The following FRMD4B variants were observed in gnomAD, a reference collection of about 807,000 sequenced individuals.
FRMD4B encodes FERM domain containing 4B, also known as FERM domain-containing protein 4B.
In FRMD4B, 74 loss-of-function variants were observed where a neutral mutation model predicts 141.5. The observed-to-expected ratio is 0.52, with a 90% CI of 0.43 to 0.63. The LOEUF is 0.63. Ranked by LOEUF, FRMD4B falls within the 30% of genes least tolerant of loss-of-function variation. FRMD4B has a pLI of 0.00. For synonymous variants in FRMD4B, 506 were observed against 467.9 expected (o/e 1.08, Z -1.05); for missense variants, 1,366 against 1,253.4 (o/e 1.09, Z -1.36).
chr3:69,231,300 CCTT>C (rs2107785184), intron 7 of FRMD4B, among the ~76,000 whole-genome samples: 1 of 152,076 alleles, frequency 6.6e-6, no homozygotes, highest in Non-Finnish European at 1.5e-5. Flanking sequence ...CTTTTTTTCT[CCTT>C]ATTTTTTTCT....
intron 22 of FRMD4B, among the ~76,000 whole-genome samples, chr3:69,175,188 C>A (rs2092630743): frequency 1.3e-5 from 2 of 152,128 alleles, no homozygotes; most frequent in Non-Finnish European, 1.5e-5. Context: ...AAGTTGTAGT[C>A]TGTATAACTT....
At chr3:69,375,869 A>G (rs990449001) in intron 1 of FRMD4B, among the ~76,000 whole-genome samples, 1 of 152,242 alleles carries the variant, frequency 6.6e-6, no homozygotes, top group Non-Finnish European at 1.5e-5. Flanking sequence ...TTTTCAGTAT[A>G]CACCATACAG....
At chr3:69,243,001 A>AG (rs2093397747) in intron 7 of FRMD4B, among the ~76,000 whole-genome samples, 1 of 151,570 alleles carries the variant, frequency 6.6e-6, no homozygotes, top group Admixed American at 6.6e-5. Context: ...TCTCAAAAAA[A>AG]AAAAAAAAAA....
rs2092649079 is a variant in FRMD4B, at chr3:69,176,603, A to G, written c.2905T>C (p.Ser969Pro). ...NWRTQLTIGL[S>P]DYETPAHSSY... ...GAATGTGCTGGAGTCTCGTAATCCG[A>G]CAGCCCTATGGTTAACTGGGTCCTC... The change falls in exon 22 of 23, where the codon TCG (serine) becomes CCG (proline). Residue 969 changes from serine to proline, a missense_variant. Physicochemically the swap from Ser to Pro is moderately conservative, Grantham distance 74. Transcript: ENST00000398540. The G allele has an allele frequency of 6.2e-7, 1 of 1,606,652 alleles. No homozygotes were observed.
intron 3 of FRMD4B, among the ~76,000 whole-genome samples, chr3:69,303,631 T>C (rs1182669641): frequency 6.6e-6 from 1 of 152,134 alleles, no homozygotes; most frequent in Non-Finnish European, 1.5e-5. Flanking sequence ...TTCAATGAAA[T>C]AAAACACACA....
intron 5 of FRMD4B, among the ~76,000 whole-genome samples, chr3:69,264,183 G>T (rs1239909672): frequency 6.6e-6 from 1 of 152,042 alleles, no homozygotes; most frequent in Non-Finnish European, 1.5e-5. Flanking sequence ...TGTATTTGAT[G>T]ACTCTGTTTA....
At position 69,263,272 on chromosome 3, in the gene FRMD4B, A is replaced by AATAC. The variant is rs573513407; in HGVS notation, c.502-13174_502-13173insGTAT. 2.7e-3 allele frequency among the ~76,000 whole-genome samples: 414 copies of AATAC among 152,198 alleles called. 7 individuals are homozygous for AATAC. Among genetic ancestry groups the AATAC allele is most frequent in the African/African-American group, 9.2e-3 (383 of 41,522 alleles). On this transcript the variant is annotated intron_variant, in intron 5 of 22. Coordinates refer to ENST00000398540, the MANE Select transcript of FRMD4B (RefSeq NM_015123.3). The stretch of plus-strand genomic sequence containing the variant: ...ACTCCGTCTCAAAAATAAATAAATA[A>AATAC]ATAAATAAAAAAGCAAATGGTAGCA...
At chr3:69,328,787 C>T (rs1702265699) in intron 1 of FRMD4B, among the ~76,000 whole-genome samples, 1 of 152,160 alleles carries the variant, frequency 6.6e-6, no homozygotes, top group Non-Finnish European at 1.5e-5. Flanking sequence ...CAGAAGTTAC[C>T]CTATATTGTC....
chr3:69,174,820 C>A (rs949476446), intron 22 of FRMD4B, among the ~76,000 whole-genome samples: 1 of 151,996 alleles, frequency 6.6e-6, no homozygotes, highest in East Asian at 1.9e-4. Context: ...TACACAAACA[C>A]GAAAATAATT....
chr3:69,525,218 C>T (rs1275451576), intron 1 of FRMD4B, among the ~76,000 whole-genome samples: 1 of 152,078 alleles, frequency 6.6e-6, no homozygotes, highest in Non-Finnish European at 1.5e-5. Flanking sequence ...CATTTATCCT[C>T]CTGGCTCTTG....
intron 1 of FRMD4B, among the ~76,000 whole-genome samples, chr3:69,334,846 G>C (rs1702490758): frequency 6.6e-6 from 1 of 152,210 alleles, no homozygotes; most frequent in African/African-American, 2.4e-5. Context: ...AAGCCAGAGA[G>C]TCAAGTGCTC....
intron 1 of FRMD4B, among the ~76,000 whole-genome samples, chr3:69,346,046 G>A (rs957697562): frequency 7.9e-5 from 12 of 152,212 alleles, no homozygotes; most frequent in African/African-American, 2.9e-4. Flanking sequence ...GCTAAAGGAG[G>A]AAGTTTGAAC....
chr3:69,215,253 T>G (rs977189415), intron 11 of FRMD4B, among the ~76,000 whole-genome samples: 2 of 147,228 alleles, frequency 1.4e-5, no homozygotes, highest in African/African-American at 5.0e-5. Flanking sequence ...TATTTAACCC[T>G]GGAAATCCAA....
At chr3:69,337,115 C>T (rs968975303) in intron 1 of FRMD4B, among the ~76,000 whole-genome samples, 12 of 152,014 alleles carry the variant, frequency 7.9e-5, no homozygotes, top group African/African-American at 2.7e-4. Context: ...GAGATATAGA[C>T]AAATGGAACA....
In FRMD4B at chr3:69,222,639, C is replaced by T. The variant is rs112825012; in HGVS notation, c.666-716G>A. Among the ~76,000 whole-genome samples, 1,142 of 152,000 alleles carry T rather than the reference C, an allele frequency of 7.5e-3. 14 individuals carry two copies. The highest frequency in any genetic ancestry group is 0.023 in the African/African-American group (950 of 41,438). On this transcript the variant is annotated intron_variant, in intron 8 of 22. Coordinates refer to ENST00000398540, the MANE Select transcript of FRMD4B (RefSeq NM_015123.3). ...ATACAAAATTAGCTGGTTGTGGTGG[C>T]GCATGCCTGTAATCCCAGCTACTTA...
rs189124854 is a variant in FRMD4B at position 69,350,098 on chromosome 3, A to G, written c.162+35730T>C. ...ATCTGACAAAGGGCTAATATCCAGA[A>G]TCTACAATGAACTCCAACAAATTTA... is the stretch of plus-strand genomic sequence containing the variant. On this transcript the variant is annotated intron_variant, in intron 1 of 22. Coordinates refer to ENST00000398540, the MANE Select transcript of FRMD4B (RefSeq NM_015123.3). 5.3e-4 allele frequency among the ~76,000 whole-genome samples: 80 copies of G among 152,310 alleles called. 2 individuals carry two copies. The highest frequency in any genetic ancestry group is 1.0e-3 in the Admixed American group (16 of 15,296).
intron 11 of FRMD4B, 98 bp from the exon 12 acceptor site, chr3:69,198,872 G>T (rs774885835): frequency 3.8e-5 from 26 of 683,088 alleles, no homozygotes; most frequent in Non-Finnish European, 6.4e-5. Context: ...CTCCAAGAAG[G>T]TACACTGATA....
At chr3:69,488,971 G>A (rs1019602842) in intron 1 of FRMD4B, among the ~76,000 whole-genome samples, 4 of 151,190 alleles carry the variant, frequency 2.6e-5, no homozygotes, top group African/African-American at 4.9e-5. Flanking sequence ...TTGTGACCTC[G>A]GGTTAGGCAA....
chr3:69,297,198 C>G (rs1026167996), intron 4 of FRMD4B, among the ~76,000 whole-genome samples: 2 of 152,116 alleles, frequency 1.3e-5, no homozygotes, highest in African/African-American at 4.8e-5. Context: ...TCGAGTTAAG[C>G]TCTTTCTAAA....
Sources: allele counts gnomAD v4.1 joint callset (sites outside exome capture counted in the v4.1 genomes callset), GRCh38; gene constraint gnomAD v4.1.1; transcripts MANE v1.5; gene names NCBI Gene and HGNC (gene_info 2026-07-23, HGNC 2026-07-21).